GRM1: variants seen among roughly 807,000 people sequenced by gnomAD.
GRM1 encodes glutamate metabotropic receptor 1, also known as metabotropic glutamate receptor 1.
In GRM1, 33 loss-of-function variants were observed where a neutral mutation model predicts 90.9. The observed-to-expected ratio is 0.36, with a 90% CI of 0.28 to 0.49. The LOEUF (loss-of-function observed/expected upper bound fraction) is 0.49, where lower values mean the gene tolerates loss of function less well. Among genes scored for constraint, GRM1 ranks in the 20% least tolerant of loss-of-function variants. The pLI is 0.99. For missense variants in GRM1, 1,190 were observed against 1,534.3 expected (o/e 0.78, Z 3.75); for synonymous variants, 700 against 613.2 (o/e 1.14, Z -2.09).
intron 3 of GRM1, among the ~76,000 whole-genome samples, chr6:146,338,267 G>T (rs1000289398): frequency 6.6e-6 from 1 of 152,158 alleles, no homozygotes; most frequent in Non-Finnish European, 1.5e-5. Context: ...CTTTTTCAAT[G>T]GTGATATAAT....
At chr6:146,245,109 A>G (rs7744909) in intron 2 of GRM1, among the ~76,000 whole-genome samples, 34,186 of 152,122 alleles carry the variant, frequency 0.22, 7,988 homozygotes, top group African/African-American at 0.6. Flanking sequence ...CCCTGTTTAC[A>G]CTTTAACGAC....
At chr6:146,421,377 G>A (rs779002391) in intron 7 of GRM1, among the ~76,000 whole-genome samples, 15 of 152,020 alleles carry the variant, frequency 9.9e-5, no homozygotes, top group Non-Finnish European at 1.6e-4. Flanking sequence ...ACATAATACC[G>A]TGCAAAAAGG....
At chr6:146,379,631 T>C (rs1342055837) in intron 5 of GRM1, among the ~76,000 whole-genome samples, 1 of 152,170 alleles carries the variant, frequency 6.6e-6, no homozygotes, top group Non-Finnish European at 1.5e-5. Flanking sequence ...GTGTTGATGC[T>C]AGTACATGCT....
chr6:146,105,327 T>A (rs1777190971), intron 1 of GRM1, among the ~76,000 whole-genome samples: 1 of 152,198 alleles, frequency 6.6e-6, no homozygotes, highest in Non-Finnish European at 1.5e-5. Flanking sequence ...AAGTAGCCTT[T>A]AAACTAGTAA....
intron 5 of GRM1, among the ~76,000 whole-genome samples, chr6:146,381,802 AC>A (rs772775160): frequency 3.3e-5 from 5 of 151,870 alleles, no homozygotes; most frequent in Non-Finnish European, 4.4e-5. Context: ...TTTCTCTTTT[AC>A]CTTTTTTTAG....
intron 1 of GRM1, among the ~76,000 whole-genome samples, chr6:146,128,006 G>T (rs1168663298): frequency 6.6e-6 from 1 of 152,126 alleles, no homozygotes; most frequent in Non-Finnish European, 1.5e-5. Context: ...CTGGCCATCT[G>T]CTGGAACCTC....
chr6:146,171,880 T>G (rs928152580), intron 2 of GRM1: 3 of 241,034 alleles, frequency 1.2e-5, no homozygotes, highest in African/African-American at 6.9e-5. Context: ...GTTCTTGTTT[T>G]TTTTCCAGCC....
intron 1 of GRM1, among the ~76,000 whole-genome samples, chr6:146,104,371 C>T (rs538216404): frequency 5.9e-5 from 9 of 151,506 alleles, no homozygotes; most frequent in South Asian, 2.1e-4. Context: ...ACCTGGGAGG[C>T]GGAGCTTGCA....
intron 7 of GRM1, among the ~76,000 whole-genome samples, chr6:146,431,663 T>C (rs550101151): frequency 6.6e-6 from 1 of 152,308 alleles, no homozygotes; most frequent in Admixed American, 6.5e-5. Flanking sequence ...TTAAGCATTT[T>C]CCTGGTGAAC....
chr6:146,072,198 C>G (rs1166416474), intron 1 of GRM1, among the ~76,000 whole-genome samples: 3 of 152,150 alleles, frequency 2.0e-5, no homozygotes, highest in Non-Finnish European at 2.9e-5. Flanking sequence ...AGAATACACC[C>G]TGAGCCCTGG....
intron 1 of GRM1, among the ~76,000 whole-genome samples, chr6:146,111,819 G>T (rs532102834): frequency 6.6e-6 from 1 of 152,214 alleles, no homozygotes; most frequent in Non-Finnish European, 1.5e-5. Context: ...CTCTCTGGCT[G>T]TTGGGGGTGT....
At chr6:146,130,581 T>C (rs1354416094) in intron 1 of GRM1, among the ~76,000 whole-genome samples, 1 of 152,144 alleles carries the variant, frequency 6.6e-6, no homozygotes. Flanking sequence ...CTCAGTGAAC[T>C]CACCGTTTAC....
chr6:146,338,205 G>A (rs539550275), intron 3 of GRM1, among the ~76,000 whole-genome samples: 19 of 152,268 alleles, frequency 1.2e-4, no homozygotes, highest in Admixed American at 1.1e-3. Context: ...TTTTTACCAC[G>A]AATTATAATG....
intron 2 of GRM1, among the ~76,000 whole-genome samples, chr6:146,288,769 G>A (rs1211457599): frequency 2.0e-5 from 3 of 152,120 alleles, no homozygotes; most frequent in Non-Finnish European, 4.4e-5. Flanking sequence ...GCCACCCAAA[G>A]TGCTGGGATT....
At chr6:146,272,588 A>G (rs574702559) in intron 2 of GRM1, among the ~76,000 whole-genome samples, 1 of 152,226 alleles carries the variant, frequency 6.6e-6, no homozygotes, top group Non-Finnish European at 1.5e-5. Flanking sequence ...TAGGAACACC[A>G]TGAGAATACT....
rs147402046 is a variant in GRM1 at position 146,220,074 on chromosome 6, C to T, written c.950+60477C>T. ...ATGGATATGTAGAATTACATGTGTG[C>T]GTGTGTCCATATTTGAGTGTCTTTA... On this transcript the variant is annotated intron_variant, in intron 2 of 7. Coordinates refer to ENST00000282753, the MANE Select transcript of GRM1 (RefSeq NM_001278064.2). 9.9e-3 allele frequency among the ~76,000 whole-genome samples: 1,499 copies of T among 152,034 alleles called. 23 individuals carry two copies. The highest frequency in any genetic ancestry group is 0.034 in the African/African-American group (1,392 of 41,452).
At chr6:146,318,107 T>A (rs1007468521) in intron 3 of GRM1, among the ~76,000 whole-genome samples, 1 of 152,208 alleles carries the variant, frequency 6.6e-6, no homozygotes, top group African/African-American at 2.4e-5. Flanking sequence ...CTCATCAACC[T>A]GTCATCTACA....
intron 3 of GRM1, among the ~76,000 whole-genome samples, chr6:146,307,137 G>A (rs1239153692): frequency 6.6e-6 from 1 of 152,194 alleles, no homozygotes; most frequent in African/African-American, 2.4e-5. Context: ...GTACATAAAT[G>A]TCAAGGTTAA....
At position 146,369,793 on chromosome 6, in the gene GRM1, T is replaced by A. The variant is rs1052451457; in HGVS notation, c.1602+12099T>A. On this transcript the variant is annotated intron_variant, in intron 5 of 7. Coordinates refer to ENST00000282753, the MANE Select transcript of GRM1 (RefSeq NM_001278064.2). ...TACTGCTCGTAAGAAGAATATGCAC[T>A]CTGTAGCAGTTAGATAGAGTGTTCT... Among the ~76,000 whole-genome samples, 4 of 152,066 alleles carry A rather than the reference T, an allele frequency of 2.6e-5. No individual in the cohort carries two copies. In the South Asian group the frequency reaches 8.3e-4, roughly 31 times the overall value.
Sources: allele counts gnomAD v4.1 joint callset (sites outside exome capture counted in the v4.1 genomes callset), GRCh38; gene constraint gnomAD v4.1.1; transcripts MANE v1.5; gene names NCBI Gene and HGNC (gene_info 2026-07-23, HGNC 2026-07-21).